Variants in DENND4C observed in about 807,000 individuals in gnomAD.
DENND4C encodes DENN domain-containing protein 4C.
Under a neutral mutation model 203.0 loss-of-function variants are expected in DENND4C, and 108 were observed. That is an observed-to-expected ratio of 0.53 (90% CI 0.46 to 0.62). The LOEUF (loss-of-function observed/expected upper bound fraction) is 0.62. Ranked by LOEUF, DENND4C falls within the 20% of genes least tolerant of loss-of-function variation. DENND4C has a pLI of 0.00. For synonymous variants in DENND4C, 871 were observed against 792.4 expected, an observed-to-expected ratio of 1.10 and a Z score of -1.67; for missense variants, 2,481 against 2,301.2, an observed-to-expected ratio of 1.08 and a Z score of -1.60.
At position 19,342,738 on chromosome 9, in the gene DENND4C, C is replaced by T. The variant is rs755980547; in HGVS notation, c.3110C>T (p.Pro1037Leu). The T allele has an allele frequency of 6.2e-6, 10 of 1,611,300 alleles. No individual in the cohort carries two copies. The highest frequency in any genetic ancestry group is 2.2e-5 in the East Asian group (1 of 44,738). The change falls in exon 22 of 33, where the codon CCG becomes CTG. Residue 1037 changes from proline to leucine, a missense_variant. By Grantham distance (98) the Pro-to-Leu change is moderately conservative. Coordinates refer to ENST00000434457, the MANE Select transcript of DENND4C (RefSeq NM_001330640.2). ...TGGGGCAGCAGTATTGTGAAAGTTC[C>T]GTCTGGTATATTTGATGTCAACAGC... Reference protein sequence around the residue: ...PAWGSSIVKVPSGIFDVNSRK... With the variant: ...PAWGSSIVKVLSGIFDVNSRK...
At chr9:19,368,769 C>T (rs1563849131) in intron 30 of DENND4C, among the ~76,000 whole-genome samples, 1 of 151,028 alleles carries the variant, frequency 6.6e-6, no homozygotes, top group Non-Finnish European at 1.5e-5. Context: ...GACTTCACTC[C>T]AGCCTGGGTG....
At chr9:19,353,837 G>C (rs1227553873) in intron 26 of DENND4C, among the ~76,000 whole-genome samples, 1 of 152,194 alleles carries the variant, frequency 6.6e-6, no homozygotes, top group African/African-American at 2.4e-5. Flanking sequence ...CCAGGAGGCT[G>C]AGGCAGGAAA....
intron 1 of DENND4C, among the ~76,000 whole-genome samples, chr9:19,258,227 C>T (rs1338765697): frequency 6.6e-6 from 1 of 152,144 alleles, no homozygotes; most frequent in East Asian, 1.9e-4. Context: ...AATCTACCCG[C>T]ATAAAGATCC....
rs1331327866 is a variant in DENND4C at position 19,374,233 on chromosome 9, T to C, written c.*2060T>C. ...AACTTGAACTCAAGTTTTCACTTACTGACGCGCTTCCCATTAAAAAAAATC... is the reference window on the plus strand; with the variant it reads ...AACTTGAACTCAAGTTTTCACTTACCGACGCGCTTCCCATTAAAAAAAATC... On this transcript the variant is annotated 3_prime_UTR_variant, in exon 33 of 33. Coordinates refer to ENST00000434457, the MANE Select transcript of DENND4C (RefSeq NM_001330640.2). Among the ~76,000 whole-genome samples, 1 of 152,214 alleles carries C rather than the reference T, an allele frequency of 6.6e-6. No individual in the cohort carries two copies. Among genetic ancestry groups the C allele is most frequent in the East Asian group, 1.9e-4 (1 of 5,200 alleles).
At chr9:19,233,353 T>C (rs1821055565) in intron 1 of DENND4C, among the ~76,000 whole-genome samples, 1 of 152,200 alleles carries the variant, frequency 6.6e-6, no homozygotes, top group Non-Finnish European at 1.5e-5. Context: ...TTTTATCAGC[T>C]AAAATTTGGG....
intron 1 of DENND4C, among the ~76,000 whole-genome samples, chr9:19,259,631 G>A (rs913039901): frequency 4.2e-4 from 63 of 150,782 alleles, no homozygotes; most frequent in African/African-American, 1.4e-3. Context: ...TTAGCCTCCC[G>A]AGTAGCTGGG....
Position 19,372,290 on chromosome 9 carries a change from T to C in DENND4C, c.*117T>C, listed in dbSNP as rs1485797401. On this transcript the variant is annotated 3_prime_UTR_variant, in exon 33 of 33. Transcript: ENST00000434457. ...GGTGAATACGGAATTGAAGTAACTCTTGGGGACAATATATAATGAATTATG... is the reference window on the plus strand; with the variant it reads ...GGTGAATACGGAATTGAAGTAACTCCTGGGGACAATATATAATGAATTATG... 5 of 1,230,948 alleles carry C rather than the reference T, an allele frequency of 4.1e-6. No individual in the cohort carries two copies. The highest frequency in any genetic ancestry group is 2.4e-5 in the East Asian group (1 of 42,494). The allele number at this position is 1,230,948 out of a possible 1,614,324, so 76.3% of individuals were successfully genotyped here.
intron 2 of DENND4C, among the ~76,000 whole-genome samples, chr9:19,279,618 A>C (rs1833621605): frequency 6.6e-6 from 1 of 151,934 alleles, no homozygotes. Flanking sequence ...TGGAGGTTGC[A>C]GTGAGCCAAG....
intron 29 of DENND4C, 129 bp downstream of exon 29, chr9:19,360,618 T>A: frequency 7.9e-7 from 1 of 1,258,350 alleles, no homozygotes; most frequent in Non-Finnish European, 1.1e-6. Flanking sequence ...AAAGTTTGGA[T>A]AAGCAGTCCT....
chr9:19,264,929 A>G (rs1197500084), intron 1 of DENND4C, among the ~76,000 whole-genome samples: 1 of 152,038 alleles, frequency 6.6e-6, no homozygotes, highest in Non-Finnish European at 1.5e-5. Context: ...CTTTTGCTAT[A>G]AACTTTCTTC....
Position 19,290,722 on chromosome 9 carries a change from C to T in DENND4C, c.647C>T (p.Pro216Leu). ...AYKAGLIFRY[P>L]EEDYESFPLS... ...TCAAAAGGTTTAATTTTTAGATATCCAGAAGAGGACTATGAGTCATTTCCA... is the reference window on the plus strand; with the variant it reads ...TCAAAAGGTTTAATTTTTAGATATCTAGAAGAGGACTATGAGTCATTTCCA... The change falls in exon 5 of 33, where the codon CCA becomes CTA. Residue 216 changes from proline (P) to leucine (L), a missense_variant. By Grantham distance (98) the Pro-to-Leu change is moderately conservative. This residue lies in a region of DENND4C where 2,289 missense variants were observed against 2,113.3 expected (regional missense o/e 1.08). Coordinates refer to ENST00000434457, the MANE Select transcript of DENND4C (RefSeq NM_001330640.2). 3 of 1,477,420 alleles carry T rather than the reference C, an allele frequency of 2.0e-6. No homozygotes were observed. Among genetic ancestry groups the T allele is most frequent in the Non-Finnish European group, 2.7e-6 (3 of 1,108,120 alleles). 91.5% of individuals were successfully genotyped at this position (1,477,420 alleles called of 1,614,324 possible). A position where few individuals can be genotyped will look rare whatever the true frequency, so the allele number is the denominator to read the frequency against.
At chr9:19,264,681 C>A (rs919442890) in intron 1 of DENND4C, among the ~76,000 whole-genome samples, 1 of 152,016 alleles carries the variant, frequency 6.6e-6, no homozygotes, top group Non-Finnish European at 1.5e-5. Context: ...TTTATTTGAG[C>A]CTTCTCTCTT....
chr9:19,261,784 A>C (rs1287507664), intron 1 of DENND4C, among the ~76,000 whole-genome samples: 6 of 152,028 alleles, frequency 3.9e-5, no homozygotes, highest in African/African-American at 1.4e-4. Context: ...GGATACAGAC[A>C]TGAGCCACCA....
Position 19,277,289 on chromosome 9 carries a change from A to C in DENND4C, c.305+810A>C, listed in dbSNP as rs148584943. Among the ~76,000 whole-genome samples the C allele has an allele frequency of 5.2e-3, 787 of 152,256 alleles. 6 individuals carry two copies. The highest frequency in any genetic ancestry group is 0.018 in the African/African-American group (745 of 41,562). ...TTAGATTAATCTGCAGAGTATTGTC[A>C]TCTTTACAATATTAAACGATTCAGC... On this transcript the variant is annotated intron_variant, in intron 2 of 32. Coordinates refer to ENST00000434457, the MANE Select transcript of DENND4C (RefSeq NM_001330640.2).
chr9:19,268,101 G>A (rs1248634249), intron 1 of DENND4C, among the ~76,000 whole-genome samples: 2 of 122,072 alleles, frequency 1.6e-5, no homozygotes, highest in East Asian at 2.6e-4. Context: ...AGGTTTTTGG[G>A]TATTTTTTTT....
chr9:19,325,817 A>G (rs1817695297), intron 13 of DENND4C, 122 bp from the exon 14 acceptor site: 1 of 866,088 alleles, frequency 1.2e-6, no homozygotes. Context: ...TATACTGTGC[A>G]TGTTTTGTAT....
intron 1 of DENND4C, among the ~76,000 whole-genome samples, chr9:19,238,621 C>T (rs1429264151): frequency 5.4e-4 from 8 of 14,714 alleles, no homozygotes; most frequent in African/African-American, 2.3e-3. Flanking sequence ...TCCTCTCCTC[C>T]CCTCCCCCCT....
intron 1 of DENND4C, among the ~76,000 whole-genome samples, chr9:19,259,214 T>C (rs973430005): frequency 2.6e-5 from 4 of 152,170 alleles, no homozygotes; most frequent in Non-Finnish European, 5.9e-5. Context: ...TATTTTTGTA[T>C]GCATTAACCG....
At chr9:19,335,395 C>A (rs1404775943) in intron 18 of DENND4C, among the ~76,000 whole-genome samples, 1 of 152,046 alleles carries the variant, frequency 6.6e-6, no homozygotes, top group African/African-American at 2.4e-5. Flanking sequence ...TTTCAAAATA[C>A]AATACATTGT....
Sources: allele counts gnomAD v4.1 joint callset (sites outside exome capture counted in the v4.1 genomes callset), GRCh38; gene constraint gnomAD v4.1.1; regional missense constraint gnomAD v4.1.1; transcripts MANE v1.5; gene names NCBI Gene and HGNC (gene_info 2026-07-23, HGNC 2026-07-21).